The following MBOAT2 variants were observed in gnomAD, a reference collection of about 807,000 sequenced individuals.
MBOAT2 encodes the protein membrane bound glycerophospholipid O-acyltransferase 2.
A neutral mutation model predicts 63.4 loss-of-function variants in MBOAT2; 28 were observed. The observed-to-expected ratio is 0.44, with a 90% confidence interval of 0.33 to 0.61. The LOEUF is 0.61. MBOAT2 is among the 20% of genes least tolerant of loss of function. The pLI, the probability that MBOAT2 is intolerant of heterozygous loss-of-function variation, is 0.03. For missense variants in MBOAT2, 470 were observed against 605.8 expected (o/e 0.78, Z 2.35); for synonymous variants, 211 against 215.6 (o/e 0.98, Z 0.19).
At chr2:8,989,138 T>C (rs1344623561) in intron 1 of MBOAT2, among the ~76,000 whole-genome samples, 3 of 152,182 alleles carry the variant, frequency 2.0e-5, no homozygotes, top group Non-Finnish European at 2.9e-5. Flanking sequence ...AATGTTGATT[T>C]TAACACTAGC....
intron 6 of MBOAT2, among the ~76,000 whole-genome samples, chr2:8,880,644 G>A (rs1341343609): frequency 6.6e-6 from 1 of 152,216 alleles, no homozygotes; most frequent in Non-Finnish European, 1.5e-5. Context: ...CCAGGGCTGA[G>A]GCCAGGCTAG....
intron 3 of MBOAT2, among the ~76,000 whole-genome samples, chr2:8,923,105 A>C (rs13412435): frequency 0.019 from 2,880 of 152,346 alleles, 33 homozygotes; most frequent in Middle Eastern, 0.037. Context: ...CCCTTGTTCA[A>C]AAGTTGAAAC....
At chr2:8,959,742 C>T (rs988125687) in intron 1 of MBOAT2, among the ~76,000 whole-genome samples, 1 of 152,152 alleles carries the variant, frequency 6.6e-6, no homozygotes, top group African/African-American at 2.4e-5. Flanking sequence ...GGATAATAGG[C>T]ATGAACAATC....
rs1317261572 is a variant in MBOAT2, at chr2:8,854,782, A to G, written c.*3897T>C. ...TCCTTGAGTAAAAGTATAAATTTAT[A>G]ATTATTTTAATGGCAAAAATTTTAA... On this transcript the variant is annotated 3_prime_UTR_variant, in exon 13 of 13. Transcript: ENST00000305997. 6.6e-6 allele frequency: 1 copy of G among 152,224 alleles called. No homozygotes were observed. Among genetic ancestry groups the G allele is most frequent in the Non-Finnish European group, 1.5e-5 (1 of 68,036 alleles). The allele number at this position is 152,224 out of a possible 1,614,324, so 9.4% of individuals were successfully genotyped here.
chr2:8,897,437 C>T (rs537422880), intron 4 of MBOAT2, among the ~76,000 whole-genome samples: 124 of 152,318 alleles, frequency 8.1e-4, no homozygotes, highest in African/African-American at 2.8e-3. Context: ...ATGGAGGGAA[C>T]GTTCCCCCAG....
intron 1 of MBOAT2, among the ~76,000 whole-genome samples, chr2:8,973,403 A>T (rs1670590581): frequency 6.6e-6 from 1 of 151,764 alleles, no homozygotes. Context: ...TAGCATTAGG[A>T]GATATACCTA....
chr2:8,947,958 G>A (rs562083068), intron 2 of MBOAT2, among the ~76,000 whole-genome samples: 7 of 152,176 alleles, frequency 4.6e-5, no homozygotes, highest in African/African-American at 1.7e-4. Context: ...TGATTCCTCT[G>A]ACGGATCTAG....
intron 1 of MBOAT2, among the ~76,000 whole-genome samples, chr2:8,989,108 A>C (rs1671755160): frequency 6.6e-6 from 1 of 152,238 alleles, no homozygotes; most frequent in Admixed American, 6.5e-5. Context: ...ATTTGCCTGG[A>C]TAACATTCAG....
At chr2:8,921,906 A>G (rs1666598030) in intron 3 of MBOAT2, among the ~76,000 whole-genome samples, 1 of 152,118 alleles carries the variant, frequency 6.6e-6, no homozygotes. Context: ...CCACAGATTA[A>G]TGTTTTACAT....
At chr2:8,903,387 A>C (rs947867807) in intron 4 of MBOAT2, among the ~76,000 whole-genome samples, 1 of 152,216 alleles carries the variant, frequency 6.6e-6, no homozygotes, top group Non-Finnish European at 1.5e-5. Context: ...CACACGACTG[A>C]GCAGTAGTAA....
chr2:8,930,970 G>A (rs115396962), intron 3 of MBOAT2, among the ~76,000 whole-genome samples: 7,888 of 151,620 alleles, frequency 0.052, 302 homozygotes, highest in Admixed American at 0.097. Flanking sequence ...TTTTTCTCTC[G>A]GTCTGCTCCA....
chr2:8,885,678 T>C (rs1663498345), intron 5 of MBOAT2, among the ~76,000 whole-genome samples: 1 of 152,212 alleles, frequency 6.6e-6, no homozygotes, highest in Non-Finnish European at 1.5e-5. Context: ...AGCAATCTCA[T>C]ATACATGATT....
Position 9,003,661 on chromosome 2 carries a change from G to C in MBOAT2, c.-47C>G. 9.1e-7 allele frequency: 1 copy of C among 1,102,466 alleles called. No individual in the cohort carries two copies. Among genetic ancestry groups the C allele is most frequent in the Non-Finnish European group, 1.1e-6 (1 of 902,060 alleles). 68.3% of individuals were successfully genotyped at this position (1,102,466 alleles called of 1,614,324 possible). On this transcript the variant is annotated 5_prime_UTR_variant, in exon 1 of 13. Coordinates refer to ENST00000305997, the MANE Select transcript of MBOAT2 (RefSeq NM_138799.4). The surrounding 1 kb of genome is among the most constrained non-coding windows in gnomAD (Gnocchi z 5.4). Reference sequence around the variant, plus strand: ...CCGCCCGCGCCGCTCGCCCGCTCGCGCTGTGCCGGGCGACGACGAGGATGG... The same window carrying C: ...CCGCCCGCGCCGCTCGCCCGCTCGCCCTGTGCCGGGCGACGACGAGGATGG...
intron 3 of MBOAT2, among the ~76,000 whole-genome samples, chr2:8,936,713 G>A (rs1386744049): frequency 4.0e-5 from 6 of 150,182 alleles, no homozygotes; most frequent in East Asian, 2.0e-4. Flanking sequence ...ACCAGAACCC[G>A]GGAGACAGAG....
intron 1 of MBOAT2, among the ~76,000 whole-genome samples, chr2:8,979,498 T>A (rs1413046305): frequency 2.0e-5 from 3 of 152,126 alleles, no homozygotes; most frequent in Non-Finnish European, 4.4e-5. Flanking sequence ...GTGATTCTTA[T>A]CTGTTTTGTT....
At chr2:8,864,131 G>T (rs777648256) in intron 10 of MBOAT2, 39 bp downstream of exon 10, 2 of 1,422,602 alleles carry the variant, frequency 1.4e-6, no homozygotes, top group Admixed American at 2.3e-5. Context: ...AGAACTAGAC[G>T]CCAAAGCACA....
intron 5 of MBOAT2, 66 bp downstream of exon 5, chr2:8,887,952 A>C: frequency 1.4e-6 from 2 of 1,433,708 alleles, no homozygotes; most frequent in Non-Finnish European, 2.0e-6. Flanking sequence ...TTATGGCAAT[A>C]TCTCAAGCAA....
intron 8 of MBOAT2, among the ~76,000 whole-genome samples, chr2:8,871,256 C>T (rs1297026718): frequency 6.6e-6 from 1 of 152,104 alleles, no homozygotes. Flanking sequence ...CCTCAGCCTC[C>T]CAACATGCTG....
chr2:8,912,230 G>T (rs1215315467), intron 3 of MBOAT2, among the ~76,000 whole-genome samples: 1 of 150,576 alleles, frequency 6.6e-6, no homozygotes, highest in East Asian at 1.9e-4. Flanking sequence ...AGTACTGGAA[G>T]TCCTAGCCAA....
Sources: allele counts gnomAD v4.1 joint callset (sites outside exome capture counted in the v4.1 genomes callset), GRCh38; gene constraint gnomAD v4.1.1; non-coding constraint Gnocchi (gnomAD v3.1); transcripts MANE v1.5; gene names NCBI Gene and HGNC (gene_info 2026-07-23, HGNC 2026-07-21).